TASP1: variants seen among roughly 807,000 people sequenced by gnomAD.
The protein encoded by TASP1 is threonine aspartase 1.
In TASP1, 16 loss-of-function variants were observed where a neutral mutation model predicts 56.6. That is an observed-to-expected ratio of 0.28 (90% CI 0.19 to 0.43). The LOEUF (loss-of-function observed/expected upper bound fraction) is 0.43. Ranked by LOEUF, TASP1 falls within the 20% of genes least tolerant of loss-of-function variation. The pLI, the probability that TASP1 is intolerant of heterozygous loss-of-function variation, is 1.00. For missense variants in TASP1, 393 were observed against 511.6 expected (o/e 0.77, Z 2.24); for synonymous variants, 179 against 184.2 (o/e 0.97, Z 0.23).
intron 13 of TASP1, among the ~76,000 whole-genome samples, chr20:13,402,102 A>G (rs918916237): frequency 6.6e-6 from 1 of 152,212 alleles, no homozygotes; most frequent in African/African-American, 2.4e-5. Context: ...ACCCTACACC[A>G]TGATTAAAAT....
chr20:13,552,594 G>C (rs2147020804), intron 8 of TASP1, among the ~76,000 whole-genome samples: 1 of 152,246 alleles, frequency 6.6e-6, no homozygotes, highest in Admixed American at 6.5e-5. Flanking sequence ...CAGAGGAAGT[G>C]ACATTGGCAA....
intron 6 of TASP1, among the ~76,000 whole-genome samples, chr20:13,576,242 G>C (rs1423781872): frequency 6.8e-6 from 1 of 148,110 alleles, no homozygotes; most frequent in African/African-American, 2.5e-5. Context: ...GGGGAGCGGA[G>C]GGAAGGGAAG....
the TASP1 span, chr20:13,280,022 T>C: frequency 1.1e-6 from 1 of 891,876 alleles, no homozygotes; most frequent in Non-Finnish European, 1.7e-6. Flanking sequence ...GAGGCAAACC[T>C]CACAAAGGCT....
intron 11 of TASP1, among the ~76,000 whole-genome samples, chr20:13,437,806 C>T (rs184569822): frequency 3.9e-5 from 6 of 152,042 alleles, no homozygotes; most frequent in Non-Finnish European, 7.4e-5. Flanking sequence ...TTACAAGGGA[C>T]GTGAAGGACC....
the TASP1 span, among the ~76,000 whole-genome samples, chr20:13,181,529 A>G: frequency 6.6e-6 from 1 of 152,234 alleles, no homozygotes; most frequent in Admixed American, 6.5e-5. Flanking sequence ...CTCAGTAACT[A>G]TGATAAAGTT....
At chr20:13,107,544 G>T in the TASP1 span, among the ~76,000 whole-genome samples, 1 of 152,042 alleles carries the variant, frequency 6.6e-6, no homozygotes, top group African/African-American at 2.4e-5. Flanking sequence ...TATGTGAAAA[G>T]AACACAATAG....
the TASP1 span, among the ~76,000 whole-genome samples, chr20:13,192,737 T>G: frequency 8.6e-5 from 13 of 151,982 alleles, no homozygotes; most frequent in South Asian, 2.1e-4. Context: ...TTTTGTTTTT[T>G]TTTTTTGTAG....
the TASP1 span, among the ~76,000 whole-genome samples, chr20:13,311,871 C>G: frequency 6.6e-6 from 1 of 152,074 alleles, no homozygotes; most frequent in Non-Finnish European, 1.5e-5. Context: ...ATTTATTGTA[C>G]AGCATGATGA....
the TASP1 span, among the ~76,000 whole-genome samples, chr20:13,307,776 T>A: frequency 6.6e-6 from 1 of 152,264 alleles, no homozygotes; most frequent in Non-Finnish European, 1.5e-5. Flanking sequence ...AGGTCATTCA[T>A]GCTTATCACA....
chr20:13,404,319 G>A (rs1406468680), intron 13 of TASP1, among the ~76,000 whole-genome samples: 1 of 152,332 alleles, frequency 6.6e-6, no homozygotes, highest in East Asian at 1.9e-4. Flanking sequence ...TTTATAAAAA[G>A]GCCAGGTGTG....
chr20:13,164,595 A>G, the TASP1 span: 3 of 628,140 alleles, frequency 4.8e-6, no homozygotes, highest in Non-Finnish European at 2.9e-6. Flanking sequence ...GTCTTAAACC[A>G]CAACCTAATG....
At chr20:13,419,924 A>T (rs552614975) in intron 12 of TASP1, among the ~76,000 whole-genome samples, 1 of 152,312 alleles carries the variant, frequency 6.6e-6, no homozygotes. Context: ...TCTGCTTTAA[A>T]CTTCAAAAAT....
At chr20:13,362,808 A>AATATATATATAT in the TASP1 span, among the ~76,000 whole-genome samples, 6,185 of 114,026 alleles carry the variant, frequency 0.054, 308 homozygotes, top group African/African-American at 0.061. Flanking sequence ...AATAGCAAGA[A>AATATATATATAT]ATATATATAT....
At chr20:13,219,104 T>G in the TASP1 span, among the ~76,000 whole-genome samples, 3 of 152,178 alleles carry the variant, frequency 2.0e-5, no homozygotes, top group Non-Finnish European at 4.4e-5. Flanking sequence ...GAGGTTTACA[T>G]GTGGAGACTG....
intron 10 of TASP1, among the ~76,000 whole-genome samples, chr20:13,498,161 T>C (rs576406807): frequency 6.6e-6 from 1 of 152,134 alleles, no homozygotes; most frequent in South Asian, 2.1e-4. Context: ...AAAGAACCCA[T>C]CAACAGAGTA....
chr20:13,247,569 G>A, the TASP1 span, among the ~76,000 whole-genome samples: 1 of 147,106 alleles, frequency 6.8e-6, no homozygotes, highest in African/African-American at 2.5e-5. Context: ...TAGGTAGGTA[G>A]GAGGAGCAAC....
chr20:13,356,354 T>C, the TASP1 span, among the ~76,000 whole-genome samples: 4 of 152,206 alleles, frequency 2.6e-5, no homozygotes, highest in African/African-American at 9.6e-5. Flanking sequence ...CATGGCAATG[T>C]CAGGGAAGTA....
At chr20:13,413,045 G>A (rs2042142025) in intron 13 of TASP1, among the ~76,000 whole-genome samples, 1 of 152,062 alleles carries the variant, frequency 6.6e-6, no homozygotes, top group Non-Finnish European at 1.5e-5. Flanking sequence ...GAGTGGGAGG[G>A]CAACCCAGGC....
At chr20:13,318,653 G>A in the TASP1 span, among the ~76,000 whole-genome samples, 1 of 152,134 alleles carries the variant, frequency 6.6e-6, no homozygotes, top group African/African-American at 2.4e-5. Context: ...CCATTGTCTG[G>A]CTATCCAGTG....
Sources: gnomAD v4.1 joint callset for allele counts (sites outside exome capture counted in the v4.1 genomes callset) on GRCh38, gnomAD v4.1.1 for gene constraint, MANE v1.5 for transcripts, NCBI Gene and HGNC (gene_info 2026-07-23, HGNC 2026-07-21) for gene names.